The following ERICH6 variants were observed in gnomAD, a reference collection of about 807,000 sequenced individuals.
ERICH6 encodes the protein glutamate rich 6.
In ERICH6, 71 loss-of-function variants were observed where a neutral mutation model predicts 71.0. That is an observed-to-expected ratio of 1.00 (90% CI 0.83 to 1.22). The LOEUF is 1.22. Among genes scored for constraint, ERICH6 ranks in the 50% most tolerant of loss-of-function variants. ERICH6 has a pLI of 0.00. For synonymous variants in ERICH6, 262 were observed against 278.4 expected (o/e 0.94, Z 0.59); for missense variants, 808 against 797.2 (o/e 1.01, Z -0.16).
chr3:150,668,830 T>C (rs1711496084), intron 12 of ERICH6, among the ~76,000 whole-genome samples: 1 of 152,216 alleles, frequency 6.6e-6, no homozygotes, highest in Non-Finnish European at 1.5e-5. Context: ...GTGTGTATGT[T>C]ACTCTTCTTG....
chr3:150,693,377 T>C (rs1559920009), intron 3 of ERICH6, among the ~76,000 whole-genome samples: 2 of 152,216 alleles, frequency 1.3e-5, no homozygotes, highest in Non-Finnish European at 2.9e-5. Flanking sequence ...ACTGGCCTCA[T>C]ACTTGTCCAT....
intron 12 of ERICH6, among the ~76,000 whole-genome samples, chr3:150,668,129 T>C (rs1242582649): frequency 6.6e-6 from 1 of 152,220 alleles, no homozygotes; most frequent in Non-Finnish European, 1.5e-5. Context: ...TAGTTTTATC[T>C]TGAAATCTGG....
intron 2 of ERICH6, among the ~76,000 whole-genome samples, chr3:150,700,745 G>A (rs183495210): frequency 3.9e-5 from 6 of 152,088 alleles, no homozygotes; most frequent in South Asian, 2.1e-4. Context: ...CACCATGCCC[G>A]GCTAATTTTT....
intron 10 of ERICH6, among the ~76,000 whole-genome samples, chr3:150,675,556 C>T (rs1559912867): frequency 6.6e-6 from 1 of 152,144 alleles, no homozygotes; most frequent in African/African-American, 2.4e-5. Flanking sequence ...ACCATGTTGG[C>T]CAGGCTGGTC....
intron 3 of ERICH6, among the ~76,000 whole-genome samples, chr3:150,691,096 G>A (rs1202397889): frequency 1.3e-5 from 2 of 152,218 alleles, no homozygotes; most frequent in East Asian, 3.9e-4. Context: ...GAATCAGTTG[G>A]GTCAAATCTT....
chr3:150,692,335 C>T (rs1354222456), intron 3 of ERICH6, among the ~76,000 whole-genome samples: 1 of 151,924 alleles, frequency 6.6e-6, no homozygotes, highest in Non-Finnish European at 1.5e-5. Flanking sequence ...TTTTGAAATC[C>T]TTGAGTTATC....
At chr3:150,690,695 T>C (rs1419903788) in intron 3 of ERICH6, among the ~76,000 whole-genome samples, 2 of 152,200 alleles carry the variant, frequency 1.3e-5, no homozygotes, top group East Asian at 3.8e-4. Context: ...GTCTTAAGAA[T>C]TGTCAGCATA....
rs1713070963 is a variant in ERICH6 at position 150,703,839 on chromosome 3, CTCCTTCTGG to C, written c.51_59del (p.Asp17_Lys19del). On this transcript the variant is annotated inframe_deletion, in exon 1 of 14. Coordinates refer to ENST00000295910, the MANE Select transcript of ERICH6 (RefSeq NM_152394.5). ...CCTCCTCCTCTAACTCCTCCTCTGACTCCTTCTGGTCCTTCTTCCCCGGGTCTCCGAAGC... is the reference window on the plus strand; with the variant it reads ...CCTCCTCCTCTAACTCCTCCTCTGACTCCTTCTTCCCCGGGTCTCCGAAGC... The C allele has an allele frequency of 6.2e-7, 1 of 1,613,664 alleles. No individual in the cohort carries two copies. Among genetic ancestry groups the C allele is most frequent in the South Asian group, 1.1e-5 (1 of 91,062 alleles).
chr3:150,691,790 G>A (rs973432755), intron 3 of ERICH6, among the ~76,000 whole-genome samples: 2 of 152,046 alleles, frequency 1.3e-5, no homozygotes, highest in Non-Finnish European at 2.9e-5. Flanking sequence ...TTGTGAGATT[G>A]AGTTACAGAG....
chr3:150,692,393 T>C (rs528400383), intron 3 of ERICH6, among the ~76,000 whole-genome samples: 1 of 152,258 alleles, frequency 6.6e-6, no homozygotes, highest in South Asian at 2.1e-4. Context: ...TGTGATCCTA[T>C]TTCATGATAT....
Position 150,669,382 on chromosome 3 carries a change from T to C in ERICH6, c.1413A>G (p.Gln471=). The C allele has an allele frequency of 1.2e-6, 2 of 1,613,922 alleles. No individual in the cohort carries two copies. Among genetic ancestry groups the C allele is most frequent in the Non-Finnish European group, 1.7e-6 (2 of 1,179,932 alleles). ...NKVNGFTCIV[Q]EDMPTNPAIL... is the part of the protein sequence containing the mutation. ...TAGCAGGGTTAGTGGGCATATCTTC[T>C]TGGACTATACAAGTAAAACCATTTA... Residue 471 remains glutamine, a synonymous_variant, in exon 12 of 14, where the codon CAA becomes CAG. Transcript: ENST00000295910.
chr3:150,661,262 G>A (rs562564179), intron 13 of ERICH6, among the ~76,000 whole-genome samples: 1 of 152,330 alleles, frequency 6.6e-6, no homozygotes, highest in East Asian at 1.9e-4. Flanking sequence ...GCAGGATGGA[G>A]TCTGAGGTAA....
At chr3:150,674,719 A>T (rs897780525) in intron 10 of ERICH6, among the ~76,000 whole-genome samples, 2 of 152,194 alleles carry the variant, frequency 1.3e-5, no homozygotes, top group African/African-American at 4.8e-5. Context: ...TCATCTTTAA[A>T]ATATTTCCTC....
chr3:150,703,758 CTCT>C lies in ERICH6; in HGVS notation c.138_140del (p.Glu47del). ...CCACCTCCTCCTCCTCCTCCTCCAC[CTCT>C]TCCTCCTCCTCCTCCACCTCTTCCT... On this transcript the variant is annotated inframe_deletion, in exon 1 of 14. Coordinates refer to ENST00000295910, the MANE Select transcript of ERICH6 (RefSeq NM_152394.5). 1 of 1,573,424 alleles carries C rather than the reference CTCT, an allele frequency of 6.4e-7. No individual in the cohort carries two copies. The highest frequency in any genetic ancestry group is 8.6e-7 in the Non-Finnish European group (1 of 1,168,794).
At chr3:150,679,035 CAAAAAAA>C (rs1160094551) in intron 9 of ERICH6, among the ~76,000 whole-genome samples, 3 of 65,222 alleles carry the variant, frequency 4.6e-5, no homozygotes, top group African/African-American at 6.1e-5. Flanking sequence ...GACTCTGTCT[CAAAAAAA>C]AAAAAAAAAA....
intron 12 of ERICH6, among the ~76,000 whole-genome samples, chr3:150,667,449 TC>T (rs1164034879): frequency 6.6e-6 from 1 of 152,188 alleles, no homozygotes; most frequent in East Asian, 1.9e-4. Context: ...AGAGCTGTTT[TC>T]TGGCAATTCC....
chr3:150,685,599 C>CT, intron 6 of ERICH6, 143 bp downstream of exon 6: 1 of 711,394 alleles, frequency 1.4e-6, no homozygotes. Flanking sequence ...CACAGACACT[C>CT]TAAGTGCTAT....
intron 2 of ERICH6, among the ~76,000 whole-genome samples, chr3:150,700,433 A>C (rs1275853085): frequency 2.6e-5 from 4 of 151,750 alleles, no homozygotes; most frequent in Non-Finnish European, 5.9e-5. Flanking sequence ...AGACCTATAT[A>C]AAAAATTCAC....
chr3:150,674,364 C>A (rs1240355244), intron 10 of ERICH6, among the ~76,000 whole-genome samples: 1 of 151,986 alleles, frequency 6.6e-6, no homozygotes, highest in Non-Finnish European at 1.5e-5. Context: ...GCACAATGTG[C>A]AGTGCCATTG....
Sources: allele counts gnomAD v4.1 joint callset (sites outside exome capture counted in the v4.1 genomes callset), GRCh38; gene constraint gnomAD v4.1.1; transcripts MANE v1.5; gene names NCBI Gene and HGNC (gene_info 2026-07-23, HGNC 2026-07-21).